The following WDR17 variants were observed in gnomAD, a reference collection of about 807,000 sequenced individuals.
WDR17 encodes the protein WD repeat domain 17.
Under a neutral mutation model 161.7 loss-of-function variants are expected in WDR17, and 143 were observed. The ratio of observed to expected loss-of-function variants is 0.88; its 90% CI spans 0.77 to 1.02. WDR17 has a LOEUF of 1.02. Among genes scored for constraint, WDR17 ranks in the 50% least tolerant of loss-of-function variants. The pLI is 0.00. For missense variants in WDR17, 1,469 were observed against 1,520.9 expected, an observed-to-expected ratio of 0.97 and a Z score of 0.57; for synonymous variants, 517 against 515.6, an observed-to-expected ratio of 1.00 and a Z score of -0.04.
intron 1 of WDR17, among the ~76,000 whole-genome samples, chr4:176,090,122 A>T (rs914592006): frequency 6.6e-6 from 1 of 152,032 alleles, no homozygotes. Flanking sequence ...TTGAGATTTG[A>T]TCCCCCATGT....
intron 1 of WDR17, among the ~76,000 whole-genome samples, chr4:176,103,043 C>T (rs143119460): frequency 1.1e-4 from 16 of 152,256 alleles, no homozygotes; most frequent in Admixed American, 2.6e-4. Flanking sequence ...TTGCACCTAC[C>T]TCCATGTTAC....
rs1732461249 is a variant in WDR17 at position 176,065,932 on chromosome 4, G to T, written c.-154G>T. The T allele has an allele frequency of 6.6e-6, 1 of 151,960 alleles. No individual in the cohort carries two copies. Among genetic ancestry groups the T allele is most frequent in the Non-Finnish European group, 1.5e-5 (1 of 67,986 alleles). 9.4% of individuals were successfully genotyped at this position (151,960 alleles called of 1,614,324 possible). ...ACGCTTCCCGCCCCTCGGAGCCCGC[G>T]GGCCCGGCCGCCCCGCCCCCGGGCG... On this transcript the variant is annotated 5_prime_UTR_variant, in exon 1 of 29. Coordinates refer to ENST00000508596, the MANE Select transcript of WDR17 (RefSeq NM_181265.4).
chr4:176,163,397 C>T (rs555317987), intron 22 of WDR17, 104 bp downstream of exon 22: 294 of 1,250,092 alleles, frequency 2.4e-4, no homozygotes, highest in Non-Finnish European at 9.8e-6. Flanking sequence ...AATATAGGAT[C>T]ACCTTGTTTA....
intron 6 of WDR17, among the ~76,000 whole-genome samples, chr4:176,130,554 C>T (rs560472419): frequency 1.9e-4 from 29 of 151,936 alleles, no homozygotes; most frequent in African/African-American, 5.3e-4. Context: ...ACCATCCTGG[C>T]TAACACAGTG....
intron 1 of WDR17, among the ~76,000 whole-genome samples, chr4:176,089,705 A>G (rs1735873904): frequency 6.6e-6 from 1 of 152,158 alleles, no homozygotes; most frequent in South Asian, 2.1e-4. Context: ...CATTTCCTCA[A>G]ACAGTGGCAG....
At chr4:176,148,098 T>A in intron 12 of WDR17, 35 bp from the exon 13 acceptor site, 1 of 1,578,126 alleles carries the variant, frequency 6.3e-7, no homozygotes, top group Non-Finnish European at 8.7e-7. Context: ...CATTATAACT[T>A]GAATGTTATC....
chr4:176,133,123 C>T (rs114270145), intron 7 of WDR17, among the ~76,000 whole-genome samples: 3,210 of 149,302 alleles, frequency 0.021, 116 homozygotes, highest in African/African-American at 0.075. Context: ...TAACATGAAT[C>T]ACACATGCCC....
intron 4 of WDR17, among the ~76,000 whole-genome samples, chr4:176,122,880 T>C (rs1422982148): frequency 6.6e-6 from 1 of 152,204 alleles, no homozygotes; most frequent in Non-Finnish European, 1.5e-5. Context: ...TGTATACTTA[T>C]GTGTGTGTAT....
intron 17 of WDR17, among the ~76,000 whole-genome samples, chr4:176,153,887 G>A (rs543301122): frequency 3.9e-5 from 6 of 152,198 alleles, no homozygotes; most frequent in Admixed American, 3.3e-4. Flanking sequence ...TAATTTAGGA[G>A]CAATGTAAAA....
rs1161677262 is a variant in WDR17 at position 176,111,253 on chromosome 4, A to G, written c.-6-322A>G. 1.8e-5 allele frequency: 3 copies of G among 167,342 alleles called. No homozygotes were observed. The East Asian group carries it at 4.8e-4, about 27-fold the overall frequency. 10.4% of individuals were successfully genotyped at this position (167,342 alleles called of 1,614,324 possible). A position where few individuals can be genotyped will look rare whatever the true frequency, so the allele number is the denominator to read the frequency against. On this transcript the variant is annotated intron_variant, in intron 1 of 28. Transcript: ENST00000508596. ...ACATGGGATGGCCTTCTTCAGTGATACTATTAATATAGCATGTGCAATTTC... is the reference window on the plus strand; with the variant it reads ...ACATGGGATGGCCTTCTTCAGTGATGCTATTAATATAGCATGTGCAATTTC...
intron 4 of WDR17, 133 bp from the exon 5 acceptor site, chr4:176,124,971 T>G: frequency 1.0e-6 from 1 of 1,002,322 alleles, no homozygotes; most frequent in Non-Finnish European, 1.4e-6. Flanking sequence ...TTACGCCTTC[T>G]GCATATAAGC....
At chr4:176,131,261 T>C (rs1210852303) in intron 6 of WDR17, among the ~76,000 whole-genome samples, 1 of 152,176 alleles carries the variant, frequency 6.6e-6, no homozygotes, top group African/African-American at 2.4e-5. Context: ...GAAATAATCA[T>C]GCTGAGCTTT....
chr4:176,133,743 G>C (rs1743933798), intron 7 of WDR17, among the ~76,000 whole-genome samples: 1 of 151,252 alleles, frequency 6.6e-6, no homozygotes, highest in African/African-American at 2.4e-5. Context: ...CATAGGATGA[G>C]AAAAATATTA....
At chr4:176,174,842 C>T (rs182967737) in intron 26 of WDR17, 124 bp downstream of exon 26, 75 of 517,326 alleles carry the variant, frequency 1.4e-4, no homozygotes, top group Non-Finnish European at 1.9e-4. Context: ...ATTTACTCAG[C>T]GTGTGCTTTA....
intron 1 of WDR17, among the ~76,000 whole-genome samples, chr4:176,099,471 C>T (rs148098944): frequency 6.6e-6 from 1 of 152,196 alleles, no homozygotes; most frequent in East Asian, 1.9e-4. Flanking sequence ...TCCAGGAGCT[C>T]TAAACTGGTG....
At chr4:176,113,277 A>G (rs1267727910) in intron 2 of WDR17, among the ~76,000 whole-genome samples, 1 of 152,052 alleles carries the variant, frequency 6.6e-6, no homozygotes, top group East Asian at 1.9e-4. Flanking sequence ...GAAAGTTATC[A>G]AGCAAGTCAA....
chr4:176,096,555 GCAA>G (rs1263727082), intron 1 of WDR17: 1 of 1,600,510 alleles, frequency 6.2e-7, no homozygotes, highest in East Asian at 2.3e-5. Flanking sequence ...ATTGGTTTGA[GCAA>G]GATGATTGGT....
At position 176,159,827 on chromosome 4, in the gene WDR17, C is replaced by G. The variant is rs554253550; in HGVS notation, c.2526-167C>G. 1.3e-3 allele frequency among the ~76,000 whole-genome samples: 203 copies of G among 152,302 alleles called. 1 individual carries two copies. Among genetic ancestry groups the G allele is most frequent in the Non-Finnish European group, 1.4e-3 (97 of 68,028 alleles). On this transcript the variant is annotated intron_variant, in intron 18 of 28. Coordinates refer to ENST00000508596, the MANE Select transcript of WDR17 (RefSeq NM_181265.4). ...ATTTATTATTTCATACAACTTTTAT[C>G]TGCCTTCCACATGTAATTTGATTAT...
In WDR17 at chr4:176,160,043, T is replaced by G. The variant is rs777143273; in HGVS notation, c.2575T>G (p.Cys859Gly). The G allele has an allele frequency of 1.9e-6, 3 of 1,613,490 alleles. No homozygotes were observed. The South Asian group carries it at 3.3e-5, about 18-fold the overall frequency. Residue 859 changes from cysteine (C) to glycine (G), a missense_variant, in exon 19 of 29, where the codon TGC becomes GGC. By Grantham distance (159) the Cys-to-Gly change is radical. Transcript: ENST00000508596. ...QEDKDDVIPY[C>G]IAIGDVKKLV... Reference sequence around the variant, plus strand: ...AGATAAGGATGATGTCATTCCATACTGCATAGCCATTGGTGATGTGAAAAA... The same window carrying G: ...AGATAAGGATGATGTCATTCCATACGGCATAGCCATTGGTGATGTGAAAAA...
Sources: allele counts gnomAD v4.1 joint callset (sites outside exome capture counted in the v4.1 genomes callset), GRCh38; gene constraint gnomAD v4.1.1; transcripts MANE v1.5; gene names NCBI Gene and HGNC (gene_info 2026-07-23, HGNC 2026-07-21).